The following TAS2R1 variants were observed in gnomAD, a reference collection of about 807,000 sequenced individuals.
TAS2R1 encodes the protein taste 2 receptor member 1.
For missense variants in TAS2R1, 370 were observed against 353.4 expected, an observed-to-expected ratio of 1.05 and a Z score of -0.38; for synonymous variants, 141 against 134.2, an observed-to-expected ratio of 1.05 and a Z score of -0.35.
the TAS2R1 span, among the ~76,000 whole-genome samples, chr5:9,735,102 AG>A: frequency 1.7e-4 from 25 of 151,354 alleles, 1 homozygote; most frequent in South Asian, 3.3e-3. Flanking sequence ...AGAGCGAGCA[AG>A]GGGGAAGTGC....
At chr5:9,751,456 T>C in the TAS2R1 span, among the ~76,000 whole-genome samples, 6 of 152,172 alleles carry the variant, frequency 3.9e-5, no homozygotes, top group African/African-American at 1.2e-4. Context: ...AGACAGGTAA[T>C]GCTCAATAGA....
chr5:9,692,678 T>C (rs1442876100), intron 1 of TAS2R1, among the ~76,000 whole-genome samples: 2 of 152,304 alleles, frequency 1.3e-5, no homozygotes, highest in East Asian at 3.9e-4. Context: ...CATGACATAA[T>C]GAGAAGACCT....
At chr5:9,763,880 A>G in the TAS2R1 span, among the ~76,000 whole-genome samples, 1 of 152,250 alleles carries the variant, frequency 6.6e-6, no homozygotes, top group African/African-American at 2.4e-5. Context: ...CCAACAGAGC[A>G]TCGTTTAGCT....
the TAS2R1 span, among the ~76,000 whole-genome samples, chr5:9,807,237 A>G: frequency 2.0e-5 from 3 of 152,214 alleles, no homozygotes; most frequent in Non-Finnish European, 4.4e-5. Context: ...GCCATATTCA[A>G]AAAATGAAAA....
intron 1 of TAS2R1, among the ~76,000 whole-genome samples, chr5:9,687,213 G>T (rs967897124): frequency 5.3e-5 from 8 of 152,116 alleles, no homozygotes; most frequent in African/African-American, 1.9e-4. Flanking sequence ...TCAGGTGATT[G>T]CTCGCCTCAG....
chr5:9,694,986 A>G (rs1380979143), intron 1 of TAS2R1, among the ~76,000 whole-genome samples: 2 of 152,184 alleles, frequency 1.3e-5, no homozygotes, highest in Non-Finnish European at 2.9e-5. Flanking sequence ...CTTCCAGTTC[A>G]TGGTGCTGAT....
the TAS2R1 span, among the ~76,000 whole-genome samples, chr5:9,886,609 C>T: frequency 6.6e-6 from 1 of 152,128 alleles, no homozygotes; most frequent in Non-Finnish European, 1.5e-5. Context: ...GCTGGGATTA[C>T]AGATGTGAGC....
chr5:9,771,286 T>A, the TAS2R1 span, among the ~76,000 whole-genome samples: 1 of 152,226 alleles, frequency 6.6e-6, no homozygotes, highest in East Asian at 1.9e-4. Context: ...ACGTGGTTTT[T>A]ATTCTTCATT....
intron 1 of TAS2R1, among the ~76,000 whole-genome samples, chr5:9,711,976 C>T (rs556025691): frequency 4.4e-5 from 5 of 114,396 alleles, no homozygotes; most frequent in East Asian, 6.0e-4. Context: ...TTATGTTCAA[C>T]GTTTTTTTTT....
At chr5:9,857,098 T>C in the TAS2R1 span, among the ~76,000 whole-genome samples, 1 of 152,132 alleles carries the variant, frequency 6.6e-6, no homozygotes, top group African/African-American at 2.4e-5. Context: ...GTAAAGTAGA[T>C]TCTATGGAAG....
chr5:9,776,946 G>T, the TAS2R1 span, among the ~76,000 whole-genome samples: 1 of 152,296 alleles, frequency 6.6e-6, no homozygotes, highest in South Asian at 2.1e-4. Context: ...TATTAAGTGT[G>T]CAATAACATA....
chr5:9,675,083 T>C (rs1740846077), intron 1 of TAS2R1, among the ~76,000 whole-genome samples: 1 of 148,648 alleles, frequency 6.7e-6, no homozygotes, highest in Non-Finnish European at 1.5e-5. Flanking sequence ...AGCCCACTTA[T>C]AATAACACCC....
the TAS2R1 span, among the ~76,000 whole-genome samples, chr5:9,881,939 T>C: frequency 1.3e-5 from 2 of 152,214 alleles, no homozygotes; most frequent in African/African-American, 4.8e-5. Context: ...ATTCAGGACA[T>C]AGGCATAGGC....
At position 9,629,912 on chromosome 5, in the gene TAS2R1, T is replaced by C. The variant is rs757147182; in HGVS notation, c.121A>G (p.Met41Val). ...NGIDLIKHRK[M>V]APLDLLLSCL... is the part of the protein sequence containing the mutation. ...GAAAGAAGGAGATCCAGCGGAGCCA[T>C]TTTTCTGTGCTTGATCAAGTCAATG... Residue 41 changes from methionine to valine, a missense_variant, in exon 1 of 1, where the codon ATG (methionine) becomes GTG (valine). Met to Val is a conservative substitution (Grantham distance 21). Coordinates refer to ENST00000382492, the MANE Select transcript of TAS2R1 (RefSeq NM_019599.3). The C allele has an allele frequency of 1.9e-6, 3 of 1,613,956 alleles. No homozygotes were observed. The highest frequency in any genetic ancestry group is 2.5e-6 in the Non-Finnish European group (3 of 1,179,996).
At chr5:9,817,225 G>T in the TAS2R1 span, among the ~76,000 whole-genome samples, 1 of 152,150 alleles carries the variant, frequency 6.6e-6, no homozygotes, top group Non-Finnish European at 1.5e-5. Context: ...TCTTCTCCTG[G>T]AAAAAGATAC....
chr5:9,830,866 A>T, the TAS2R1 span, among the ~76,000 whole-genome samples: 1 of 152,210 alleles, frequency 6.6e-6, no homozygotes, highest in East Asian at 1.9e-4. Flanking sequence ...GTGAACATAG[A>T]TATAGAGAAG....
At chr5:9,663,500 T>C (rs905545387) in intron 1 of TAS2R1, among the ~76,000 whole-genome samples, 1 of 152,204 alleles carries the variant, frequency 6.6e-6, no homozygotes, top group Non-Finnish European at 1.5e-5. Flanking sequence ...TCACTTCATG[T>C]AGAAGATTAT....
chr5:9,868,957 C>G, the TAS2R1 span, among the ~76,000 whole-genome samples: 7 of 152,324 alleles, frequency 4.6e-5, no homozygotes, highest in South Asian at 1.4e-3. Flanking sequence ...TCAGCCTGGA[C>G]TTTATTGTCC....
the TAS2R1 span, among the ~76,000 whole-genome samples, chr5:9,852,162 T>A: frequency 6.6e-6 from 1 of 152,320 alleles, no homozygotes; most frequent in East Asian, 1.9e-4. Flanking sequence ...TAATGAAGAA[T>A]CAAGCCTTAT....
Sources: gnomAD v4.1 joint callset for allele counts (sites outside exome capture counted in the v4.1 genomes callset) on GRCh38, gnomAD v4.1.1 for gene constraint, MANE v1.5 for transcripts, NCBI Gene and HGNC (gene_info 2026-07-23, HGNC 2026-07-21) for gene names.